Variants in LRRC4C observed in about 807,000 individuals in gnomAD.
LRRC4C encodes the protein leucine rich repeat containing 4C.
LRRC4C carries 5 observed loss-of-function variants against 33.6 expected under a neutral mutation model. The observed-to-expected ratio is 0.15, with a 90% CI of 0.08 to 0.31. The LOEUF is 0.31. Among genes scored for constraint, LRRC4C ranks in the 10% least tolerant of loss-of-function variants. The pLI is 1.00. For synonymous variants in LRRC4C, 329 were observed against 302.0 expected (o/e 1.09, Z -0.93); for missense variants, 560 against 796.7 (o/e 0.70, Z 3.58).
At chr11:40,766,564 T>C (rs1414944718) in intron 2 of LRRC4C, among the ~76,000 whole-genome samples, 1 of 151,802 alleles carries the variant, frequency 6.6e-6, no homozygotes, top group Non-Finnish European at 1.5e-5. Context: ...AGACTCAGAC[T>C]ATATAAAAAG....
intron 1 of LRRC4C, among the ~76,000 whole-genome samples, chr11:41,149,259 A>C (rs1045942118): frequency 3.9e-5 from 6 of 152,134 alleles, no homozygotes; most frequent in Non-Finnish European, 8.8e-5. Flanking sequence ...TAATCCCAGC[A>C]CTTTGGGAGG....
intron 1 of LRRC4C, among the ~76,000 whole-genome samples, chr11:41,047,056 C>T (rs56397473): frequency 0.36 from 53,953 of 151,790 alleles, 10,853 homozygotes; most frequent in South Asian, 0.45. Flanking sequence ...TCAAAGGCCA[C>T]TACCAAAAAA....
chr11:40,560,580 TAAC>T (rs1957510979), intron 3 of LRRC4C, among the ~76,000 whole-genome samples: 1 of 152,118 alleles, frequency 6.6e-6, no homozygotes, highest in Admixed American at 6.6e-5. Context: ...AACTTACTGA[TAAC>T]TACTTCTATT....
chr11:40,185,334 G>A (rs1861322026), intron 5 of LRRC4C, among the ~76,000 whole-genome samples: 1 of 152,032 alleles, frequency 6.6e-6, no homozygotes, highest in African/African-American at 2.4e-5. Flanking sequence ...TCAGCCTCCA[G>A]GGCTTAATAG....
At chr11:41,435,319 C>T (rs866570284) in intron 1 of LRRC4C, among the ~76,000 whole-genome samples, 62 of 152,034 alleles carry the variant, frequency 4.1e-4, no homozygotes, top group South Asian at 6.2e-4. Context: ...ACTGTTATTA[C>T]GGAAAACATC....
chr11:40,884,383 T>C (rs1275795191), intron 2 of LRRC4C, among the ~76,000 whole-genome samples: 1 of 152,150 alleles, frequency 6.6e-6, no homozygotes, highest in African/African-American at 2.4e-5. Flanking sequence ...TATGTGTGCA[T>C]GTTTATTTGT....
chr11:40,126,240 A>G (rs934985746), intron 6 of LRRC4C, among the ~76,000 whole-genome samples: 2 of 151,384 alleles, frequency 1.3e-5, no homozygotes, highest in Admixed American at 6.6e-5. Flanking sequence ...GGAAGAATGT[A>G]TAATATATTC....
intron 1 of LRRC4C, among the ~76,000 whole-genome samples, chr11:40,977,838 C>T (rs570787570): frequency 1.3e-5 from 2 of 152,184 alleles, no homozygotes; most frequent in Non-Finnish European, 2.9e-5. Flanking sequence ...ACATCTTCTA[C>T]CTGCTGACCA....
intron 6 of LRRC4C, among the ~76,000 whole-genome samples, chr11:40,122,805 C>G (rs985245057): frequency 6.8e-6 from 1 of 146,290 alleles, no homozygotes; most frequent in East Asian, 2.1e-4. Flanking sequence ...AAACATCCTA[C>G]TCCCTTACTC....
intron 3 of LRRC4C, among the ~76,000 whole-genome samples, chr11:40,490,142 T>C (rs958379847): frequency 2.0e-5 from 3 of 152,168 alleles, no homozygotes; most frequent in Non-Finnish European, 4.4e-5. Context: ...ATAAATAAAA[T>C]GTATAACTAA....
At chr11:41,101,339 A>T (rs1941166536) in intron 1 of LRRC4C, among the ~76,000 whole-genome samples, 1 of 152,196 alleles carries the variant, frequency 6.6e-6, no homozygotes, top group Admixed American at 6.6e-5. Flanking sequence ...TGGACAAAGA[A>T]TATGAGCAGA....
chr11:40,188,801 G>A (rs942483084), intron 5 of LRRC4C, among the ~76,000 whole-genome samples: 2 of 140,534 alleles, frequency 1.4e-5, no homozygotes, highest in African/African-American at 4.9e-5. Flanking sequence ...CTTTAAAGTA[G>A]ACCTTGATGA....
intron 2 of LRRC4C, among the ~76,000 whole-genome samples, chr11:40,778,900 C>T (rs1314652010): frequency 6.6e-6 from 1 of 152,100 alleles, no homozygotes; most frequent in African/African-American, 2.4e-5. Flanking sequence ...AAAAGTAGAT[C>T]CCATTAGCCA....
intron 2 of LRRC4C, among the ~76,000 whole-genome samples, chr11:40,854,154 AT>A (rs1337097621): frequency 6.6e-6 from 1 of 151,892 alleles, no homozygotes; most frequent in East Asian, 1.9e-4. Context: ...TCACATCTCT[AT>A]TTTTTTTCTG....
intron 3 of LRRC4C, among the ~76,000 whole-genome samples, chr11:40,627,977 T>A (rs1401248893): frequency 1.3e-5 from 2 of 152,160 alleles, no homozygotes; most frequent in African/African-American, 4.8e-5. Flanking sequence ...TACATTGAAG[T>A]TTCAAGTTTA....
intron 5 of LRRC4C, among the ~76,000 whole-genome samples, chr11:40,159,866 T>A (rs1859013113): frequency 6.6e-6 from 1 of 152,256 alleles, no homozygotes; most frequent in Non-Finnish European, 1.5e-5. Flanking sequence ...GGAAGGATAC[T>A]ATATAACTTG....
chr11:41,145,602 C>T (rs1335403497), intron 1 of LRRC4C, among the ~76,000 whole-genome samples: 1 of 152,138 alleles, frequency 6.6e-6, no homozygotes, highest in African/African-American at 2.4e-5. Context: ...ATATACTCTA[C>T]AACACTTTGT....
At chr11:40,996,253 C>T (rs1296176155) in intron 1 of LRRC4C, among the ~76,000 whole-genome samples, 1 of 152,126 alleles carries the variant, frequency 6.6e-6, no homozygotes, top group Non-Finnish European at 1.5e-5. Context: ...ACTTACTCTA[C>T]ACATGTGCTG....
At chr11:40,166,635 A>G (rs1043042436) in intron 5 of LRRC4C, among the ~76,000 whole-genome samples, 27 of 152,156 alleles carry the variant, frequency 1.8e-4, no homozygotes, top group African/African-American at 6.5e-4. Flanking sequence ...GGCAACTATG[A>G]TGATCGAATA....
Sources: gnomAD v4.1 joint callset for allele counts (sites outside exome capture counted in the v4.1 genomes callset) on GRCh38, gnomAD v4.1.1 for gene constraint, MANE v1.5 for transcripts, NCBI Gene and HGNC (gene_info 2026-07-23, HGNC 2026-07-21) for gene names.